The following ADAMTSL1 variants were observed in gnomAD, a reference collection of about 807,000 sequenced individuals.
The protein encoded by ADAMTSL1 is ADAMTS-like protein 1.
ADAMTSL1 carries 126 observed loss-of-function variants against 201.8 expected under a neutral mutation model. That is an observed-to-expected ratio of 0.62 (90% confidence interval 0.54 to 0.72). The LOEUF is 0.72. ADAMTSL1 is among the 30% of genes least tolerant of loss of function. The pLI is 0.00. For missense variants in ADAMTSL1, 2,679 were observed against 2,277.8 expected (o/e 1.18, Z -3.59); for synonymous variants, 1,121 against 903.4 (o/e 1.24, Z -4.32).
At chr9:18,008,061 C>T (rs905545144) in intron 1 of ADAMTSL1, among the ~76,000 whole-genome samples, 4 of 151,950 alleles carry the variant, frequency 2.6e-5, no homozygotes, top group Admixed American at 1.3e-4. Context: ...GATATGATAA[C>T]ACTGCATTGG....
chr9:18,055,609 A>G (rs890818431), intron 1 of ADAMTSL1, among the ~76,000 whole-genome samples: 1 of 152,238 alleles, frequency 6.6e-6, no homozygotes, highest in African/African-American at 2.4e-5. Context: ...AAAGTCTTTC[A>G]AAGTAACAAC....
rs145439905 is a variant in ADAMTSL1 at position 18,442,151 on chromosome 9, C to T, written c.208-62678C>T. Among the ~76,000 whole-genome samples, 70 of 152,226 alleles carry T rather than the reference C, an allele frequency of 4.6e-4. No homozygotes were observed. The East Asian group carries it at 8.5e-3, about 19-fold the overall frequency. ...ATTCAAAATATCTTCTGAAGACAAA[C>T]GAGAGCTTTATTCTAAAAGAGCCAT... is the stretch of plus-strand genomic sequence containing the variant. On this transcript the variant is annotated intron_variant, in intron 2 of 29. Coordinates refer to the ADAMTSL1 transcript ENST00000680146.
intron 2 of ADAMTSL1, among the ~76,000 whole-genome samples, chr9:18,392,055 A>G (rs1220913325): frequency 6.6e-6 from 1 of 151,498 alleles, no homozygotes; most frequent in African/African-American, 2.4e-5. Context: ...CGATCTCCTG[A>G]CCTCGTGATC....
chr9:18,897,240 G>A (rs111503467), intron 26 of ADAMTSL1, among the ~76,000 whole-genome samples: 41 of 152,184 alleles, frequency 2.7e-4, no homozygotes, highest in East Asian at 1.9e-3. Flanking sequence ...CAGAGCCCCC[G>A]GGGGAAGGGG....
At chr9:18,773,403 A>C (rs1820804300) in intron 17 of ADAMTSL1, among the ~76,000 whole-genome samples, 1 of 152,170 alleles carries the variant, frequency 6.6e-6, no homozygotes, top group South Asian at 2.1e-4. Flanking sequence ...CCCCCAAAAA[A>C]AATTCTAAAA....
intron 2 of ADAMTSL1, among the ~76,000 whole-genome samples, chr9:18,314,468 C>T (rs1270260758): frequency 6.6e-6 from 1 of 151,884 alleles, no homozygotes; most frequent in Non-Finnish European, 1.5e-5. Flanking sequence ...TGCATACTTT[C>T]GCGGTGAGTG....
intron 2 of ADAMTSL1, among the ~76,000 whole-genome samples, chr9:18,273,616 A>G (rs989938344): frequency 6.6e-6 from 1 of 152,232 alleles, no homozygotes; most frequent in Non-Finnish European, 1.5e-5. Context: ...AGTCCTCGGC[A>G]TCATTCTTAT....
Position 18,153,478 on chromosome 9 carries a change from T to G in ADAMTSL1, c.88-10384T>G, listed in dbSNP as rs138872070. On this transcript the variant is annotated intron_variant, in intron 1 of 29. Transcript: ENST00000680146. ...AACTCAATTCTGTACCAGGCACTGC[T>G]AGGCTTTCAAAATAGAGTGGTGAGC... Among the ~76,000 whole-genome samples, 252 of 152,188 alleles carry G rather than the reference T, an allele frequency of 1.7e-3. 1 individual carries two copies. The highest frequency in any genetic ancestry group is 5.9e-3 in the African/African-American group (245 of 41,550).
intron 2 of ADAMTSL1, among the ~76,000 whole-genome samples, chr9:18,413,188 G>A (rs1460282839): frequency 7.9e-6 from 1 of 126,160 alleles, no homozygotes; most frequent in Non-Finnish European, 1.6e-5. Flanking sequence ...CGCTCTTATT[G>A]CCCAGTCTGA....
intron 3 of ADAMTSL1, among the ~76,000 whole-genome samples, chr9:18,536,645 T>G (rs1470485085): frequency 6.6e-6 from 1 of 152,206 alleles, no homozygotes; most frequent in Non-Finnish European, 1.5e-5. Flanking sequence ...TTATCTAATC[T>G]TTCCCATTTT....
chr9:18,616,960 C>T (rs1400171037), intron 4 of ADAMTSL1, among the ~76,000 whole-genome samples: 1 of 152,156 alleles, frequency 6.6e-6, no homozygotes, highest in Admixed American at 6.6e-5. Flanking sequence ...ATGTAAACCA[C>T]ACTGTTACCC....
intron 2 of ADAMTSL1, among the ~76,000 whole-genome samples, chr9:18,167,846 A>G (rs907803882): frequency 4.7e-5 from 7 of 147,748 alleles, no homozygotes; most frequent in Non-Finnish European, 8.8e-5. Context: ...TTTAGTGGAC[A>G]TAAATTCAAA....
chr9:18,318,627 C>T (rs1054489327), intron 2 of ADAMTSL1, among the ~76,000 whole-genome samples: 2 of 152,112 alleles, frequency 1.3e-5, no homozygotes, highest in Non-Finnish European at 2.9e-5. Context: ...CTCTTCCTTA[C>T]AGTGGTGTAT....
chr9:18,143,243 C>T (rs1262262618), intron 1 of ADAMTSL1, among the ~76,000 whole-genome samples: 1 of 152,202 alleles, frequency 6.6e-6, no homozygotes, highest in Non-Finnish European at 1.5e-5. Flanking sequence ...AAGGGGTATG[C>T]TCTGAGGAAC....
At chr9:18,074,701 C>T (rs1823135001) in intron 1 of ADAMTSL1, among the ~76,000 whole-genome samples, 1 of 152,070 alleles carries the variant, frequency 6.6e-6, no homozygotes. Context: ...AGTGATTCTC[C>T]TGCCTCAGCC....
chr9:18,566,847 C>G (rs1037107787), intron 3 of ADAMTSL1, among the ~76,000 whole-genome samples: 5 of 152,160 alleles, frequency 3.3e-5, no homozygotes, highest in African/African-American at 4.8e-5. Flanking sequence ...AATTAGGAGA[C>G]TATTGCAAGA....
At chr9:18,416,184 A>G (rs146490491) in intron 2 of ADAMTSL1, among the ~76,000 whole-genome samples, 1 of 152,116 alleles carries the variant, frequency 6.6e-6, no homozygotes, top group Non-Finnish European at 1.5e-5. Flanking sequence ...ATGCCTATAA[A>G]TGATAATCGA....
intron 2 of ADAMTSL1, among the ~76,000 whole-genome samples, chr9:18,525,130 G>A (rs980964560): frequency 6.6e-6 from 1 of 152,140 alleles, no homozygotes; most frequent in South Asian, 2.1e-4. Flanking sequence ...CCTGTTATTG[G>A]TCTAGTCAGG....
intron 2 of ADAMTSL1, among the ~76,000 whole-genome samples, chr9:18,359,827 G>GC (rs1352201698): frequency 0.1 from 4,039 of 39,272 alleles, 377 homozygotes; most frequent in African/African-American, 0.24. Flanking sequence ...CTCCCCACCC[G>GC]CCCCCCCGCC....
Sources: gnomAD v4.1 joint callset for allele counts (sites outside exome capture counted in the v4.1 genomes callset) on GRCh38, gnomAD v4.1.1 for gene constraint, MANE v1.5 for transcripts, NCBI Gene and HGNC (gene_info 2026-07-23, HGNC 2026-07-21) for gene names.